ZFPL1: variants seen among roughly 807,000 people sequenced by gnomAD.
ZFPL1 encodes the protein zinc finger protein-like 1.
A neutral mutation model predicts 32.0 loss-of-function variants in ZFPL1; 28 were observed. The ratio of observed to expected loss-of-function variants is 0.87; its 90% CI spans 0.65 to 1.20. ZFPL1 has a LOEUF of 1.20. ZFPL1 is among the 50% of genes most tolerant of loss of function. The probability of loss-of-function intolerance (pLI) is 0.00; values close to 1 mark genes in which losing one functional copy is unlikely to be tolerated. For missense variants in ZFPL1, 386 were observed against 424.8 expected (o/e 0.91, Z 0.80); for synonymous variants, 165 against 177.0 (o/e 0.93, Z 0.54).
chr11:65,087,400 G>A lies in ZFPL1; in HGVS notation c.713G>A (p.Arg238Gln), dbSNP rs367815043. 114 of 1,613,962 alleles carry A rather than the reference G, an allele frequency of 7.1e-5. No homozygotes were observed. The Admixed American group carries it at 7.3e-4, about 10-fold the overall frequency. ...GDCDDDKYRRRPALGWLARLL... is the reference protein window; with the variant it reads ...GDCDDDKYRRQPALGWLARLL... The stretch of plus-strand genomic sequence containing the variant: ...TGTGACGATGACAAGTACCGACGTC[G>A]GCCGGCCTTGGGTTGGCTGGCCCGG... The change falls in exon 7 of 8, where the codon CGG becomes CAG. Residue 238 changes from arginine to glutamine, a missense_variant. Arg to Gln is a conservative substitution (Grantham distance 43). Transcript: ENST00000294258.
At chr11:65,085,257 C>T in intron 3 of ZFPL1, 31 bp downstream of exon 3, 4 of 1,599,650 alleles carry the variant, frequency 2.5e-6, no homozygotes, top group Non-Finnish European at 3.4e-6. Context: ...GGGGATCAGG[C>T]CAGCCTCAGG....
chr11:65,086,410 C>T lies in ZFPL1; in HGVS notation c.215-5C>T. The stretch of plus-strand genomic sequence containing the variant: ...TCTCTTCTCCCCTGTCTCATGGGCC[C>T]TAAGATCTCTTTCACTGGGCCTGCC... On this transcript the variant is annotated splice_region_variant and splice_polypyrimidine_tract_variant and intron_variant, in intron 3 of 7. Transcript: ENST00000294258. 1 of 1,614,118 alleles carries T rather than the reference C, an allele frequency of 6.2e-7. No homozygotes were observed. Among genetic ancestry groups the T allele is most frequent in the Non-Finnish European group, 8.5e-7 (1 of 1,180,034 alleles).
rs1427949970 is a variant in ZFPL1, at chr11:65,085,187, C to A, written c.175C>A (p.Pro59Thr). 1 of 1,614,136 alleles carries A rather than the reference C, an allele frequency of 6.2e-7. No individual in the cohort carries two copies. Among genetic ancestry groups the A allele is most frequent in the South Asian group, 1.1e-5 (1 of 91,078 alleles). Residue 59 changes from proline (P) to threonine (T), a missense_variant, in exon 3 of 8, where the codon CCC becomes ACC. Physicochemically the swap from Pro to Thr is conservative, Grantham distance 38. Coordinates refer to ENST00000294258, the MANE Select transcript of ZFPL1 (RefSeq NM_006782.4). ...CCCCAATTGCCGCCTGTGCAACATA[C>A]CCCTGGCCAGCCGAGAGACGACCCG... is the stretch of plus-strand genomic sequence containing the variant. ...YNPNCRLCNI[P>T]LASRETTRLV...
Position 65,086,565 on chromosome 11 carries a change from T to TG in ZFPL1, c.367dup (p.Ala123GlyfsTer17). ...GTGGCCTCCGCACTGAGAGAGAAGC[T>TG]GGCCACAGTCAACTGGGCCCGGGCA... is the stretch of plus-strand genomic sequence containing the variant. On this transcript the variant is annotated frameshift_variant, in exon 4 of 8. Transcript: ENST00000294258. LOFTEE classifies it high-confidence loss of function. 12 of 1,614,196 alleles carry TG rather than the reference T, an allele frequency of 7.4e-6. No homozygotes were observed. Among genetic ancestry groups the TG allele is most frequent in the Non-Finnish European group, 1.0e-5 (12 of 1,180,030 alleles).
At chr11:65,087,170 A>T in intron 6 of ZFPL1, 96 bp downstream of exon 6, 1 of 1,563,744 alleles carries the variant, frequency 6.4e-7, no homozygotes, top group East Asian at 2.3e-5. Context: ...CACCCGGAGG[A>T]ACCTTTCCTT....
At chr11:65,085,407 G>A in intron 3 of ZFPL1, 181 bp downstream of exon 3, 1 of 625,740 alleles carries the variant, frequency 1.6e-6, no homozygotes, top group South Asian at 1.8e-5. Flanking sequence ...TCCTTTCTAG[G>A]CCTCACTGTC....
intron 3 of ZFPL1, 45 bp downstream of exon 3, chr11:65,085,271 C>T: frequency 6.4e-7 from 1 of 1,566,390 alleles, no homozygotes; most frequent in Non-Finnish European, 8.8e-7. Flanking sequence ...CCTCAGGGGC[C>T]AGCTTGGTGA....
At chr11:65,084,633 A>G in intron 1 of ZFPL1, 58 bp from the exon 2 acceptor site, 1 of 1,449,224 alleles carries the variant, frequency 6.9e-7, no homozygotes, top group Non-Finnish European at 9.7e-7. Flanking sequence ...TGGGCTGGTG[A>G]GAGCGTAGTG....
At chr11:65,087,893 T>C in intron 7 of ZFPL1, 35 bp from the exon 8 acceptor site, 1 of 1,525,316 alleles carries the variant, frequency 6.6e-7, no homozygotes, top group Non-Finnish European at 8.7e-7. Context: ...CACCAGGGAC[T>C]GGGGCCTGAC....
At chr11:65,084,590 T>A in intron 1 of ZFPL1, 101 bp from the exon 2 acceptor site, 1 of 927,684 alleles carries the variant, frequency 1.1e-6, no homozygotes, top group Non-Finnish European at 1.7e-6. Context: ...GGGGCGAATA[T>A]GAGAGGTGTC....
chr11:65,088,356 T>C lies in ZFPL1; in HGVS notation c.*242T>C. On this transcript the variant is annotated 3_prime_UTR_variant, in exon 8 of 8. Transcript: ENST00000294258. ...CTCCAGCCTCCGACCCCTCGCCCCATGAAGGAGCTGGCAGGTGGAAATAAA... is the reference window on the plus strand; with the variant it reads ...CTCCAGCCTCCGACCCCTCGCCCCACGAAGGAGCTGGCAGGTGGAAATAAA... 1 of 1,317,084 alleles carries C rather than the reference T, an allele frequency of 7.6e-7. No homozygotes were observed. The highest frequency in any genetic ancestry group is 1.5e-5 in the African/African-American group (1 of 68,900). 81.6% of individuals were successfully genotyped at this position (1,317,084 alleles called of 1,614,324 possible).
chr11:65,084,937 T>A, intron 2 of ZFPL1, 137 bp downstream of exon 2: 1 of 1,130,468 alleles, frequency 8.8e-7, no homozygotes, highest in Non-Finnish European at 1.3e-6. Flanking sequence ...TGTTCACTGA[T>A]ATATCCCCCG....
At position 65,086,746 on chromosome 11, in the gene ZFPL1, C is replaced by A; in HGVS notation, c.435C>A (p.Pro145=). Residue 145 remains proline, a synonymous_variant, in exon 5 of 8, where the codon CCC becomes CCA. Coordinates refer to ENST00000294258, the MANE Select transcript of ZFPL1 (RefSeq NM_006782.4). ...PLIDEVVSPE[P]EPLNTSDFSD... ...TCGATGAGGTGGTGAGCCCAGAGCC[C>A]GAGCCCCTCAACACGTCTGACTTCT... 6.2e-7 allele frequency: 1 copy of A among 1,614,202 alleles called. No homozygotes were observed. Among genetic ancestry groups the A allele is most frequent in the Non-Finnish European group, 8.5e-7 (1 of 1,180,036 alleles).
intron 3 of ZFPL1, chr11:65,085,501 G>A (rs1298204149): frequency 2.0e-6 from 1 of 497,578 alleles, no homozygotes; most frequent in East Asian, 3.8e-5. Context: ...AACCAGTCAA[G>A]CTTACGGGTA....
chr11:65,085,976 T>TCTCGGTGGTCGCCGTATCATTAAA, intron 3 of ZFPL1: 1 of 249,862 alleles, frequency 4.0e-6, no homozygotes, highest in Admixed American at 5.2e-5. Flanking sequence ...ATAGTGTAGA[T>TCTCGGTGGTCGCCGTATCATTAAA]ATAGGGAATG....
chr11:65,085,394 T>G, intron 3 of ZFPL1, 168 bp downstream of exon 3: 3 of 662,958 alleles, frequency 4.5e-6, no homozygotes, highest in Non-Finnish European at 8.2e-6. Flanking sequence ...GGCAAGTTAT[T>G]CTTCCTTTCT....
At position 65,088,295 on chromosome 11, in the gene ZFPL1, G is replaced by C; in HGVS notation, c.*181G>C. Reference sequence around the variant, plus strand: ...CAGGCCAGGCCTGGAGTCCCCGTGGGTCAAGCATTTGTCTTGACTTGCTTT... The same window carrying C: ...CAGGCCAGGCCTGGAGTCCCCGTGGCTCAAGCATTTGTCTTGACTTGCTTT... On this transcript the variant is annotated 3_prime_UTR_variant, in exon 8 of 8. Coordinates refer to ENST00000294258, the MANE Select transcript of ZFPL1 (RefSeq NM_006782.4). 9.1e-7 allele frequency: 1 copy of C among 1,103,698 alleles called. No individual in the cohort carries two copies. The allele number at this position is 1,103,698 out of a possible 1,614,324, so 68.4% of individuals were successfully genotyped here. A position where few individuals can be genotyped will look rare whatever the true frequency, so the allele number is the denominator to read the frequency against.
chr11:65,087,768 T>C (rs1947694134), intron 7 of ZFPL1, 160 bp from the exon 8 acceptor site: 2 of 759,084 alleles, frequency 2.6e-6, no homozygotes, highest in Non-Finnish European at 4.1e-6. Flanking sequence ...TGGTTTGAGC[T>C]GCACAATAAC....
intron 3 of ZFPL1, chr11:65,085,696 A>G (rs1947670907): frequency 4.4e-6 from 1 of 225,540 alleles, no homozygotes; most frequent in Non-Finnish European, 9.0e-6. Context: ...CCTTAGCTCC[A>G]GTTTTTGAAG....
Sources: allele counts gnomAD v4.1 joint callset, GRCh38; gene constraint gnomAD v4.1.1; transcripts MANE v1.5; gene names NCBI Gene and HGNC (gene_info 2026-07-23, HGNC 2026-07-21).